Variants in CHFR observed in about 807,000 individuals in gnomAD.
CHFR encodes the protein E3 ubiquitin-protein ligase CHFR.
Under a neutral mutation model 87.6 loss-of-function variants are expected in CHFR, and 57 were observed. The observed-to-expected ratio is 0.65, with a 90% confidence interval of 0.53 to 0.81. The LOEUF (loss-of-function observed/expected upper bound fraction) is 0.81. CHFR is among the 30% of genes least tolerant of loss of function. The pLI is 0.00. For missense variants in CHFR, 797 were observed against 865.8 expected (o/e 0.92, Z 1.00); for synonymous variants, 381 against 359.2 (o/e 1.06, Z -0.69).
chr12:132,882,257 A>G (rs1353455706), intron 2 of CHFR, among the ~76,000 whole-genome samples: 7 of 152,190 alleles, frequency 4.6e-5, no homozygotes. Flanking sequence ...CGTGCCAGGG[A>G]AAGAAGCCAG....
intron 2 of CHFR, 48 bp from the exon 3 acceptor site, chr12:132,877,702 T>G: frequency 1.7e-6 from 2 of 1,200,966 alleles, no homozygotes; most frequent in Non-Finnish European, 2.4e-6. Context: ...GTGGTAACTG[T>G]GAACACTACT....
rs757876886 is a variant in CHFR at position 132,859,169 on chromosome 12, T to C, written c.810A>G (p.Gln270=). The change falls in exon 8 of 18, where the codon CAA becomes CAG. Residue 270 remains glutamine (Q), a synonymous_variant. Coordinates refer to ENST00000450056, the MANE Select transcript of CHFR (RefSeq NM_001161346.2). ...LLVAQPRRNA[Q]TVHEDVRAAA... is the part of the protein sequence containing the mutation. ...CTGCTCTGACGTCCTCGTGGACGGT[T>C]TGGGCATTTCTACGCGGTTGTGCGA... The C allele has an allele frequency of 1.4e-5, 22 of 1,613,962 alleles. No homozygotes were observed. In the South Asian group the frequency reaches 2.2e-4, roughly 16 times the overall value.
Position 132,856,493 on chromosome 12 carries a change from C to T in CHFR, c.1204G>A (p.Val402Ile), listed in dbSNP as rs1165776578. 16 of 1,614,172 alleles carry T rather than the reference C, an allele frequency of 9.9e-6. No individual in the cohort carries two copies. Among genetic ancestry groups the T allele is most frequent in the South Asian group, 4.4e-5 (4 of 91,082 alleles). ...SSEDLLELSD[V>I]DSESSDISQP... ...CTAATGTCTGAGGACTCACTGTCAA[C>T]GTCTGACAGCTCCAGCAGGTCCTCT... Residue 402 changes from valine to isoleucine, a missense_variant, in exon 10 of 18, where the codon GTT (valine) becomes ATT (isoleucine). Val to Ile is a conservative substitution (Grantham distance 29). Transcript: ENST00000450056.
intron 7 of CHFR, among the ~76,000 whole-genome samples, chr12:132,860,996 G>A (rs533183283): frequency 7.9e-5 from 12 of 152,254 alleles, no homozygotes; most frequent in African/African-American, 1.7e-4. Context: ...CAGATGATCC[G>A]TCCACCTTGG....
chr12:132,848,839 G>T (rs1566178005), intron 12 of CHFR, 115 bp from the exon 13 acceptor site: 1 of 782,464 alleles, frequency 1.3e-6, no homozygotes, highest in South Asian at 1.9e-5. Context: ...TTCAGGAGGG[G>T]TCTCATGGAA....
chr12:132,848,552 G>A, intron 13 of CHFR, 89 bp downstream of exon 13: 1 of 997,972 alleles, frequency 1.0e-6, no homozygotes, highest in Non-Finnish European at 1.5e-6. Context: ...ATAAACATCA[G>A]GCTATGGACC....
chr12:132,844,719 C>A (rs1241650993), intron 15 of CHFR, among the ~76,000 whole-genome samples: 1 of 152,152 alleles, frequency 6.6e-6, no homozygotes, highest in Non-Finnish European at 1.5e-5. Context: ...CAACCTCCAC[C>A]TCCTGCGTTC....
At chr12:132,886,822 C>A (rs1951905226) in intron 2 of CHFR, among the ~76,000 whole-genome samples, 1 of 152,186 alleles carries the variant, frequency 6.6e-6, no homozygotes, top group Non-Finnish European at 1.5e-5. Context: ...ACTTATTTGA[C>A]CCACCGGTTG....
intron 14 of CHFR, 150 bp downstream of exon 14, chr12:132,847,935 G>A: frequency 6.7e-7 from 1 of 1,495,268 alleles, no homozygotes; most frequent in Non-Finnish European, 8.9e-7. Context: ...GAACCAGCTG[G>A]CTGCACCAGT....
chr12:132,866,889 G>A (rs1456356086), intron 6 of CHFR: 1 of 152,182 alleles, frequency 6.6e-6, no homozygotes, highest in African/African-American at 2.4e-5. Flanking sequence ...AAATTTTCTG[G>A]GCGTGGTGGT....
rs573600991 is a variant in CHFR, at chr12:132,843,160, C to A, written c.1844-77G>T. 8 of 1,339,718 alleles carry A rather than the reference C, an allele frequency of 6.0e-6. No homozygotes were observed. The East Asian group carries it at 1.7e-4, about 28-fold the overall frequency. The allele number at this position is 1,339,718 out of a possible 1,614,324, so 83.0% of individuals were successfully genotyped here. ...TCAGCTACCTGAATCCCAGCAGAGA[C>A]CCAACGACAGACGCTGCGGTGGAAA... On this transcript the variant is annotated intron_variant, in intron 16 of 17. Coordinates refer to ENST00000450056, the MANE Select transcript of CHFR (RefSeq NM_001161346.2).
rs1027657313 is a variant in CHFR, at chr12:132,833,391, G to A, written c.*8163C>T. 1.3e-4 allele frequency: 20 copies of A among 152,260 alleles called. No homozygotes were observed. Among genetic ancestry groups the A allele is most frequent in the Admixed American group, 6.5e-5 (1 of 15,278 alleles). 9.4% of individuals were successfully genotyped at this position (152,260 alleles called of 1,614,324 possible). A position where few individuals can be genotyped will look rare whatever the true frequency, so the allele number is the denominator to read the frequency against. On this transcript the variant is annotated 3_prime_UTR_variant, in exon 18 of 18. Coordinates refer to ENST00000450056, the MANE Select transcript of CHFR (RefSeq NM_001161346.2). ...CTGCTCTTACAGAAGGTATATTCTA[G>A]TGGGGACCAGACAACAAGCATAGAA...
At chr12:132,863,622 G>C (rs1346572628) in intron 6 of CHFR, among the ~76,000 whole-genome samples, 2 of 152,226 alleles carry the variant, frequency 1.3e-5, no homozygotes, top group African/African-American at 4.8e-5. Context: ...TGCTGCGTGT[G>C]AACTATTTTA....
chr12:132,848,117 T>A lies in CHFR; in HGVS notation c.1615A>T (p.Asn539Tyr). ...ATGTCTGACTCGTAGCTGTTGTTGT[T>A]CAGCACGCCGTCCAGACACTTGTCA... ...LGDKCLDGVL[N>Y]NNSYESDILK... The change falls in exon 14 of 18, where the codon AAC becomes TAC. Residue 539 changes from asparagine (N) to tyrosine (Y), a missense_variant. Around this residue, in one of 2 missense-constraint regions of CHFR, gnomAD observed 200 missense variants for 264.6 expected, o/e 0.76. Coordinates refer to ENST00000450056, the MANE Select transcript of CHFR (RefSeq NM_001161346.2). 6.2e-7 allele frequency: 1 copy of A among 1,614,100 alleles called. No individual in the cohort carries two copies.
chr12:132,856,317 G>C (rs1437915365), intron 10 of CHFR, 151 bp downstream of exon 10: 1 of 819,796 alleles, frequency 1.2e-6, no homozygotes, highest in Non-Finnish European at 2.0e-6. Flanking sequence ...TCCAATATCA[G>C]AAAACAAGCT....
At chr12:132,874,709 A>T (rs1283544140) in intron 3 of CHFR, among the ~76,000 whole-genome samples, 2 of 142,330 alleles carry the variant, frequency 1.4e-5, no homozygotes, top group African/African-American at 2.7e-5. Flanking sequence ...CAGGCCCCGG[A>T]ACAGGCAGGA....
At chr12:132,876,217 T>A (rs1951629315) in intron 3 of CHFR, among the ~76,000 whole-genome samples, 1 of 151,986 alleles carries the variant, frequency 6.6e-6, no homozygotes, top group Admixed American at 6.6e-5. Context: ...GCTACAACAG[T>A]ATGTGTAGTG....
chr12:132,866,610 GAAAGTTACAACACACCGC>G (rs1566193363), intron 6 of CHFR: 2 of 117,034 alleles, frequency 1.7e-5, no homozygotes, highest in Non-Finnish European at 3.9e-5. Context: ...CAACACACCA[GAAAGTTACAACACACCGC>G]GTAACACCAA....
intron 2 of CHFR, among the ~76,000 whole-genome samples, chr12:132,881,848 A>C (rs1014614013): frequency 7.1e-6 from 1 of 140,176 alleles, no homozygotes; most frequent in Non-Finnish European, 1.5e-5. Flanking sequence ...CAGCCTGGCG[A>C]CAGGGCAAGA....
Sources: allele counts gnomAD v4.1 joint callset (sites outside exome capture counted in the v4.1 genomes callset), GRCh38; gene constraint gnomAD v4.1.1; regional missense constraint gnomAD v4.1.1; transcripts MANE v1.5; gene names NCBI Gene and HGNC (gene_info 2026-07-23, HGNC 2026-07-21).